RIMBP2: variants seen among roughly 807,000 people sequenced by gnomAD.
RIMBP2 encodes the protein RIMS binding protein 2, also known as RIMS-binding protein 2.
A neutral mutation model predicts 118.6 loss-of-function variants in RIMBP2; 48 were observed. The observed-to-expected ratio is 0.40, with a 90% CI of 0.32 to 0.51. The LOEUF (loss-of-function observed/expected upper bound fraction) is 0.51, where lower values mean the gene tolerates loss of function less well. RIMBP2 is among the 20% of genes least tolerant of loss of function. The probability of loss-of-function intolerance (pLI) is 0.41; values close to 1 mark genes in which losing one functional copy is unlikely to be tolerated. For synonymous variants in RIMBP2, 762 were observed against 742.9 expected (o/e 1.03, Z -0.42); for missense variants, 1,551 against 1,768.3 (o/e 0.88, Z 2.20).
At chr12:130,569,466 C>A (rs1428716622) in intron 2 of RIMBP2, among the ~76,000 whole-genome samples, 4 of 152,334 alleles carry the variant, frequency 2.6e-5, no homozygotes, top group Admixed American at 2.6e-4. Context: ...AACCAGCTGT[C>A]CCCAACTGGA....
intron 2 of RIMBP2, among the ~76,000 whole-genome samples, chr12:130,624,335 A>C (rs1223334956): frequency 1.3e-5 from 2 of 152,278 alleles, no homozygotes; most frequent in Non-Finnish European, 2.9e-5. Flanking sequence ...CAAATTAAAT[A>C]TATAAATTTA....
At position 130,446,022 on chromosome 12, in the gene RIMBP2, C is replaced by T. The variant is rs11060891; in HGVS notation, c.582-753G>A. On this transcript the variant is annotated intron_variant, in intron 9 of 22. Transcript: ENST00000690449. The surrounding 1 kb of genome is among the most constrained non-coding windows in gnomAD (Gnocchi z 4.1). ...AAACAGACGCATGATTTTATGCTCCCCCCCCCCACACCCCCAGGAATATAA... is the reference window on the plus strand; with the variant it reads ...AAACAGACGCATGATTTTATGCTCCTCCCCCCCACACCCCCAGGAATATAA... Among the ~76,000 whole-genome samples, 3 of 104,460 alleles carry T rather than the reference C, an allele frequency of 2.9e-5. No homozygotes were observed. Among genetic ancestry groups the T allele is most frequent in the African/African-American group, 4.9e-5 (1 of 20,292 alleles). The allele number at this position is 104,460 out of a possible 152,430, so 68.5% of individuals were successfully genotyped here. A position where few individuals can be genotyped will look rare whatever the true frequency, so the allele number is the denominator to read the frequency against.
At chr12:130,510,025 T>C (rs1423560674) in intron 3 of RIMBP2, among the ~76,000 whole-genome samples, 4 of 152,232 alleles carry the variant, frequency 2.6e-5, no homozygotes, top group Admixed American at 2.6e-4. Context: ...TCCAGCTTTT[T>C]ATAAGAGCAC....
At chr12:130,464,826 C>T (rs1276197809) in intron 6 of RIMBP2, among the ~76,000 whole-genome samples, 1 of 152,220 alleles carries the variant, frequency 6.6e-6, no homozygotes, top group Non-Finnish European at 1.5e-5. Context: ...ACTCACTGGC[C>T]CAGGGGTCAC....
intron 2 of RIMBP2, among the ~76,000 whole-genome samples, chr12:130,624,988 G>A (rs2061538227): frequency 6.6e-6 from 1 of 152,214 alleles, no homozygotes; most frequent in South Asian, 2.1e-4. Flanking sequence ...CTCCCAAAGT[G>A]CTGAGATTAC....
intron 1 of RIMBP2, among the ~76,000 whole-genome samples, chr12:130,634,874 C>T (rs984055712): frequency 3.9e-5 from 6 of 152,178 alleles, no homozygotes; most frequent in Non-Finnish European, 8.8e-5. Flanking sequence ...GCTGGGATTA[C>T]AGGCCTGAGC....
At chr12:130,399,971 A>T (rs142272566) in intron 21 of RIMBP2, among the ~76,000 whole-genome samples, 158 bp from the exon 22 acceptor site, 1 of 152,194 alleles carries the variant, frequency 6.6e-6, no homozygotes, top group African/African-American at 2.4e-5. Flanking sequence ...AGGGTTTCCA[A>T]ATTTTCCTCA....
In RIMBP2 at chr12:130,434,956, A is replaced by G. The variant is rs2077403474; in HGVS notation, c.2107-76T>C. 1 of 1,477,518 alleles carries G rather than the reference A, an allele frequency of 6.8e-7. No homozygotes were observed. Among genetic ancestry groups the G allele is most frequent in the African/African-American group, 1.4e-5 (1 of 71,034 alleles). The allele number at this position is 1,477,518 out of a possible 1,614,324, so 91.5% of individuals were successfully genotyped here. ...CGCTCAGCCCCACCTGCATTCACCAAACCTTCAGCCCCTCAGAGCCTGGCC... is the reference window on the plus strand; with the variant it reads ...CGCTCAGCCCCACCTGCATTCACCAGACCTTCAGCCCCTCAGAGCCTGGCC... On this transcript the variant is annotated intron_variant, in intron 13 of 22. Transcript: ENST00000690449. This position sits in a 1 kb window ranked among gnomAD's most constrained non-coding sequence, Gnocchi z 5.7.
chr12:130,625,361 A>G (rs2061559310), intron 2 of RIMBP2, among the ~76,000 whole-genome samples: 1 of 152,140 alleles, frequency 6.6e-6, no homozygotes, highest in Non-Finnish European at 1.5e-5. Flanking sequence ...AGCCGTTGAG[A>G]ATGGTCATTG....
rs1420603637 is a variant in RIMBP2 at position 130,442,508 on chromosome 12, G to T, written c.844C>A (p.Leu282Met). 1 of 1,614,068 alleles carries T rather than the reference G, an allele frequency of 6.2e-7. No homozygotes were observed. The highest frequency in any genetic ancestry group is 1.7e-5 in the Admixed American group (1 of 60,012). ...ATGTGGGTTGGGGAGTGGAGGTCCA[G>T]GATGTGCTCTCCCTCCAGGCCGATG... is the stretch of plus-strand genomic sequence containing the variant. ...SGIGLEGEHI[L>M]DLHSPTHIDA... Residue 282 changes from leucine to methionine, a missense_variant, in exon 11 of 23, where the codon CTG becomes ATG. Leu to Met is a conservative substitution (Grantham distance 15, BLOSUM62 2). This residue lies in a region of RIMBP2 where 265 missense variants were observed against 349.5 expected (regional missense o/e 0.76). Coordinates refer to ENST00000690449, the MANE Select transcript of RIMBP2 (RefSeq NM_001393629.1). The surrounding 1 kb of genome is among the most constrained non-coding windows in gnomAD (Gnocchi z 6.9).
At chr12:130,605,569 AT>A (rs1384224563) in intron 2 of RIMBP2, among the ~76,000 whole-genome samples, 1 of 152,194 alleles carries the variant, frequency 6.6e-6, no homozygotes, top group Non-Finnish European at 1.5e-5. Flanking sequence ...AAATAATTTT[AT>A]TTTTAATGAT....
At position 130,456,484 on chromosome 12, in the gene RIMBP2, C is replaced by A; in HGVS notation, c.358+12G>T. On this transcript the variant is annotated intron_variant, in intron 7 of 22. Transcript: ENST00000690449. ...CCCCACCACAGCCAAGGCGGAAGGT[C>A]CAGGCGCTTACCTTTGCCGAGGGAG... The A allele has an allele frequency of 6.4e-7, 1 of 1,567,772 alleles. No homozygotes were observed.
chr12:130,712,208 T>C (rs1365577066), intron 1 of RIMBP2, among the ~76,000 whole-genome samples: 1 of 152,226 alleles, frequency 6.6e-6, no homozygotes, highest in Non-Finnish European at 1.5e-5. Flanking sequence ...GCTAAATTTA[T>C]ACAAAAATAT....
chr12:130,573,685 G>A (rs541868436), intron 2 of RIMBP2, among the ~76,000 whole-genome samples: 1 of 152,250 alleles, frequency 6.6e-6, no homozygotes, highest in South Asian at 2.1e-4. Context: ...AGTGACAGGG[G>A]TAGCCAAGGA....
At chr12:130,488,322 C>T (rs890989605) in intron 4 of RIMBP2, among the ~76,000 whole-genome samples, 1 of 12,406 alleles carries the variant, frequency 8.1e-5, no homozygotes, top group Non-Finnish European at 2.2e-3. Context: ...AAGTGGATGG[C>T]GAAAAAAAAG....
rs114914891 is a variant in RIMBP2 at position 130,460,008 on chromosome 12, C to T, written c.154-3308G>A. ...ATATTTGATGGATCACAATAAGCTG[C>T]GGGTAAACTAATCTACGCACAGGAA... On this transcript the variant is annotated intron_variant, in intron 6 of 22. Coordinates refer to ENST00000690449, the MANE Select transcript of RIMBP2 (RefSeq NM_001393629.1). Among the ~76,000 whole-genome samples, 772 of 152,290 alleles carry T rather than the reference C, an allele frequency of 5.1e-3. 5 individuals carry two copies. The highest frequency in any genetic ancestry group is 0.024 in the Middle Eastern group (7 of 294).
chr12:130,643,864 C>T (rs1369424799), intron 1 of RIMBP2, among the ~76,000 whole-genome samples: 1 of 152,102 alleles, frequency 6.6e-6, no homozygotes, highest in South Asian at 2.1e-4. Context: ...AACTGGAGAG[C>T]AAGCAGTGGG....
chr12:130,439,250 A>ATATGTACATGTGTATGTGTG (rs2077816199), intron 11 of RIMBP2, among the ~76,000 whole-genome samples: 2 of 151,784 alleles, frequency 1.3e-5, no homozygotes, highest in South Asian at 4.2e-4. Context: ...GTATGTATGT[A>ATATGTACATGTGTATGTGTG]TATGTACATG....
At chr12:130,600,413 C>A (rs959518237) in intron 2 of RIMBP2, among the ~76,000 whole-genome samples, 1 of 152,028 alleles carries the variant, frequency 6.6e-6, no homozygotes, top group East Asian at 1.9e-4. Flanking sequence ...TCAGCCCCAA[C>A]AGAACCTCCC....
Sources: gnomAD v4.1 joint callset for allele counts (sites outside exome capture counted in the v4.1 genomes callset) on GRCh38, gnomAD v4.1.1 for gene constraint, gnomAD v4.1.1 regional missense constraint, Gnocchi (gnomAD v3.1) non-coding constraint, MANE v1.5 for transcripts, NCBI Gene and HGNC (gene_info 2026-07-23, HGNC 2026-07-21) for gene names.